The following ZNF439 variants were observed in gnomAD, a reference collection of about 807,000 sequenced individuals.
ZNF439 encodes zinc finger protein 439.
In ZNF439, 40 loss-of-function variants were observed where a neutral mutation model predicts 47.3. That is an observed-to-expected ratio of 0.85 (90% CI 0.66 to 1.10). The LOEUF (loss-of-function observed/expected upper bound fraction) is 1.10, where lower values mean the gene tolerates loss of function less well. Among genes scored for constraint, ZNF439 ranks in the 50% least tolerant of loss-of-function variants. The probability of loss-of-function intolerance (pLI) is 0.00; values close to 1 mark genes in which losing one functional copy is unlikely to be tolerated. For synonymous variants in ZNF439, 171 were observed against 198.8 expected, an observed-to-expected ratio of 0.86 and a Z score of 1.18; for missense variants, 556 against 601.1, an observed-to-expected ratio of 0.93 and a Z score of 0.78.
At position 11,866,293 on chromosome 19, in the gene ZNF439, A is replaced by C. The variant is rs1256360228; in HGVS notation, c.152A>C (p.Glu51Ala). ...LDISQKNLYR[E>A]VMLETFWNLT... ...ATTTCCCAGAAGAATCTCTACAGGGAAGTGATGCTGGAAACTTTCTGGAAC... is the reference window on the plus strand; with the variant it reads ...ATTTCCCAGAAGAATCTCTACAGGGCAGTGATGCTGGAAACTTTCTGGAAC... The change falls in exon 2 of 4, where the codon GAA (glutamate) becomes GCA (alanine). Residue 51 changes from glutamate (E) to alanine (A), a missense_variant. Glu to Ala is a moderately radical substitution (Grantham distance 107, BLOSUM62 -1). Coordinates refer to ENST00000682736, the MANE Select transcript of ZNF439 (RefSeq NM_001348719.2). The C allele has an allele frequency of 6.2e-7, 1 of 1,614,028 alleles. No homozygotes were observed. The highest frequency in any genetic ancestry group is 1.7e-5 in the Admixed American group (1 of 59,990).
intron 1 of ZNF439, chr19:11,856,815 T>G (rs1644398777): frequency 6.6e-6 from 1 of 152,244 alleles, no homozygotes; most frequent in Non-Finnish European, 1.5e-5. Context: ...TACCTAGAGA[T>G]AGTGGTCCAG....
intron 1 of ZNF439, among the ~76,000 whole-genome samples, chr19:11,852,544 C>G (rs1427015044): frequency 1.3e-5 from 2 of 152,222 alleles, no homozygotes; most frequent in Non-Finnish European, 2.9e-5. Context: ...GGGTCTCACT[C>G]TGTCGTCTAG....
intron 1 of ZNF439, among the ~76,000 whole-genome samples, chr19:11,859,816 T>C (rs1976492275): frequency 6.6e-6 from 1 of 152,144 alleles, no homozygotes; most frequent in Non-Finnish European, 1.5e-5. Flanking sequence ...TATAGGCCAA[T>C]TTTTATCCTC....
chr19:11,852,998 C>T (rs7254419), intron 1 of ZNF439, among the ~76,000 whole-genome samples: 280 of 152,222 alleles, frequency 1.8e-3, no homozygotes, highest in African/African-American at 6.3e-3. Flanking sequence ...GGTGCAATCT[C>T]GGCTCACTGC....
intron 1 of ZNF439, among the ~76,000 whole-genome samples, chr19:11,859,481 A>T (rs755218703): frequency 1.6e-4 from 25 of 152,222 alleles, no homozygotes; most frequent in Non-Finnish European, 3.4e-4. Context: ...CAGACAAACA[A>T]ATCTGAGCCA....
intron 1 of ZNF439, chr19:11,849,317 C>G (rs1976165376): frequency 5.0e-6 from 5 of 992,188 alleles, no homozygotes; most frequent in Non-Finnish European, 6.0e-6. Context: ...TACTGAGGTA[C>G]GTTAACAAAA....
chr19:11,848,994 G>C, intron 1 of ZNF439, 64 bp downstream of exon 1: 1 of 1,453,936 alleles, frequency 6.9e-7, no homozygotes, highest in Non-Finnish European at 9.2e-7. Flanking sequence ...CGGGACCCGG[G>C]CCTCCCTGTG....
chr19:11,868,221 C>T lies in ZNF439; in HGVS notation c.1167C>T (p.Cys389=), dbSNP rs750574072. Residue 389 remains cysteine (C), a synonymous_variant, in exon 4 of 4, where the codon TGC becomes TGT. Coordinates refer to ENST00000682736, the MANE Select transcript of ZNF439 (RefSeq NM_001348719.2). ...KTHSGEKPYK[C]KQCGKAFTRS... The stretch of plus-strand genomic sequence containing the variant: ...ACAGTGGAGAGAAACCGTATAAATG[C>T]AAGCAATGTGGTAAAGCCTTCACTC... 5.6e-6 allele frequency: 9 copies of T among 1,613,806 alleles called. No homozygotes were observed. Among genetic ancestry groups the T allele is most frequent in the Non-Finnish European group, 7.6e-6 (9 of 1,179,978 alleles).
At chr19:11,866,645 GAATATGAGACTATGTTAAA>G in intron 3 of ZNF439, 48 bp downstream of exon 3, 1 of 1,560,014 alleles carries the variant, frequency 6.4e-7, no homozygotes, top group Non-Finnish European at 8.8e-7. Flanking sequence ...CACGATCTTA[GAATATGAGACTATGTTAAA>G]AATAAGTAAA....
At chr19:11,853,704 T>C (rs1976311366) in intron 1 of ZNF439, among the ~76,000 whole-genome samples, 3 of 152,160 alleles carry the variant, frequency 2.0e-5, no homozygotes, top group Admixed American at 2.0e-4. Context: ...GGCCTTGGGC[T>C]CCCAACATCT....
Position 11,866,566 on chromosome 19 carries a change from T to C in ZNF439, c.220T>C (p.Tyr74His). The part of the protein sequence containing the change: ...GKKWKDQNIE[Y>H]EYQNPRRNFR... ...AAAGTGGAAAGACCAGAACATTGAA[T>C]ATGAGTACCAAAACCCCAGGAGAAA... The change falls in exon 3 of 4, where the codon TAT becomes CAT. Residue 74 changes from tyrosine to histidine, a missense_variant. Transcript: ENST00000682736. 1.9e-6 allele frequency: 3 copies of C among 1,613,420 alleles called. No individual in the cohort carries two copies. The highest frequency in any genetic ancestry group is 2.5e-6 in the Non-Finnish European group (3 of 1,179,408).
rs1376553378 is a variant in ZNF439 at position 11,868,661 on chromosome 19, C to T, written c.*92C>T. The T allele has an allele frequency of 4.4e-6, 6 of 1,352,360 alleles. No individual in the cohort carries two copies. Among genetic ancestry groups the T allele is most frequent in the Non-Finnish European group, 6.2e-6 (6 of 967,630 alleles). 83.8% of individuals were successfully genotyped at this position (1,352,360 alleles called of 1,614,324 possible). A position where few individuals can be genotyped will look rare whatever the true frequency, so the allele number is the denominator to read the frequency against. On this transcript the variant is annotated 3_prime_UTR_variant, in exon 4 of 4. Transcript: ENST00000682736. ...TGGAGAGAAACCCTATAAATGCAAG[C>T]AATGTGGTAAAGCCTTAATTGTTCC...
At position 11,868,634 on chromosome 19, in the gene ZNF439, A is replaced by T; in HGVS notation, c.*65A>T. 6.6e-7 allele frequency: 1 copy of T among 1,517,850 alleles called. No homozygotes were observed. The highest frequency in any genetic ancestry group is 9.0e-7 in the Non-Finnish European group (1 of 1,112,894). 94.0% of individuals were successfully genotyped at this position (1,517,850 alleles called of 1,614,324 possible). Reference sequence around the variant, plus strand: ...ATTTCAAACACATGAAAAAATTCACACTGGAGAGAAACCCTATAAATGCAA... The same window carrying T: ...ATTTCAAACACATGAAAAAATTCACTCTGGAGAGAAACCCTATAAATGCAA... On this transcript the variant is annotated 3_prime_UTR_variant, in exon 4 of 4. Coordinates refer to ENST00000682736, the MANE Select transcript of ZNF439 (RefSeq NM_001348719.2).
At chr19:11,866,510 G>T (rs1312532788) in intron 2 of ZNF439, 27 bp from the exon 3 acceptor site, 22 of 1,611,488 alleles carry the variant, frequency 1.4e-5, no homozygotes, top group Non-Finnish European at 1.7e-5. Flanking sequence ...ACTGCCTCAG[G>T]ATTATTTTTC....
chr19:11,848,851 G>C lies in ZNF439; in HGVS notation c.-17G>C. 4 of 1,549,184 alleles carry C rather than the reference G, an allele frequency of 2.6e-6. No homozygotes were observed. In the East Asian group the frequency reaches 9.9e-5, roughly 38 times the overall value. ...TAGTGCCTCTACCCAGATTTCTGTCGCTCTGTCACCTGCGCTATGCCCTGC... is the reference window on the plus strand; with the variant it reads ...TAGTGCCTCTACCCAGATTTCTGTCCCTCTGTCACCTGCGCTATGCCCTGC... On this transcript the variant is annotated 5_prime_UTR_variant, in exon 1 of 4. Coordinates refer to ENST00000682736, the MANE Select transcript of ZNF439 (RefSeq NM_001348719.2).
chr19:11,866,041 TA>T, intron 1 of ZNF439, 163 bp from the exon 2 acceptor site: 1 of 1,471,310 alleles, frequency 6.8e-7, no homozygotes, highest in South Asian at 1.6e-5. Context: ...AAAATTGCTT[TA>T]TGGAAGAAAG....
At chr19:11,866,027 A>T in intron 1 of ZNF439, 178 bp from the exon 2 acceptor site, 2 of 1,458,228 alleles carry the variant, frequency 1.4e-6, no homozygotes, top group Non-Finnish European at 1.8e-6. Context: ...AAAAAATAAA[A>T]AAAAAAATTG....
intron 1 of ZNF439, among the ~76,000 whole-genome samples, chr19:11,863,443 A>T (rs1226703410): frequency 6.6e-6 from 1 of 152,052 alleles, no homozygotes; most frequent in African/African-American, 2.4e-5. Context: ...TACAAGCATG[A>T]GCCACCATGC....
chr19:11,853,513 A>G (rs1263545650), intron 1 of ZNF439, among the ~76,000 whole-genome samples: 4 of 152,148 alleles, frequency 2.6e-5, no homozygotes, highest in African/African-American at 9.7e-5. Flanking sequence ...TTTTCAAACA[A>G]TAGGCTCCAG....
Sources: gnomAD v4.1 joint callset for allele counts (sites outside exome capture counted in the v4.1 genomes callset) on GRCh38, gnomAD v4.1.1 for gene constraint, MANE v1.5 for transcripts, NCBI Gene and HGNC (gene_info 2026-07-23, HGNC 2026-07-21) for gene names.